CTDP1: variants seen among roughly 807,000 people sequenced by gnomAD.
CTDP1 encodes CTD phosphatase 1, also known as RNA polymerase II subunit A C-terminal domain phosphatase.
CTDP1 carries 47 observed loss-of-function variants against 91.8 expected under a neutral mutation model. The ratio of observed to expected loss-of-function variants is 0.51; its 90% CI spans 0.41 to 0.65. The LOEUF is 0.65. Among genes scored for constraint, CTDP1 ranks in the 30% least tolerant of loss-of-function variants. CTDP1 has a pLI of 0.00. For synonymous variants in CTDP1, 656 were observed against 598.5 expected, an observed-to-expected ratio of 1.10 and a Z score of -1.40; for missense variants, 1,272 against 1,373.7, an observed-to-expected ratio of 0.93 and a Z score of 1.17.
intron 1 of CTDP1, among the ~76,000 whole-genome samples, chr18:79,689,496 A>T (rs2085575777): frequency 8.4e-6 from 1 of 118,994 alleles, no homozygotes; most frequent in Non-Finnish European, 2.2e-5. Flanking sequence ...TGCCGTAAGA[A>T]CAAATAAGGC....
chr18:79,737,330 G>A (rs1006320704), intron 12 of CTDP1, among the ~76,000 whole-genome samples: 5 of 152,180 alleles, frequency 3.3e-5, no homozygotes, highest in East Asian at 1.9e-4. Context: ...AATCTTGTCC[G>A]AGAATCTTAA....
Position 79,754,024 on chromosome 18 carries a change from C to T in CTDP1, c.*234C>T. The T allele has an allele frequency of 1.7e-6, 1 of 601,236 alleles. No individual in the cohort carries two copies. Among genetic ancestry groups the T allele is most frequent in the East Asian group, 3.2e-5 (1 of 31,448 alleles). The allele number at this position is 601,236 out of a possible 1,614,324, so 37.2% of individuals were successfully genotyped here. ...GTGTTAAAGGCCCAGGTGTGCTGTG[C>T]CAAAGAGCTCAGCAGAGGCTCACGT... is the stretch of plus-strand genomic sequence containing the variant. On this transcript the variant is annotated 3_prime_UTR_variant, in exon 13 of 13. Transcript: ENST00000613122.
chr18:79,703,372 A>G (rs2085898389), intron 4 of CTDP1, among the ~76,000 whole-genome samples: 1 of 152,226 alleles, frequency 6.6e-6, no homozygotes, highest in South Asian at 2.1e-4. Context: ...CTGAGAAAAT[A>G]ACAGGATTTA....
At position 79,710,418 on chromosome 18, in the gene CTDP1, C is replaced by G. The variant is rs4799078; in HGVS notation, c.845C>G (p.Ser282Cys). 6.2e-7 allele frequency: 1 copy of G among 1,613,810 alleles called. No homozygotes were observed. Among genetic ancestry groups the G allele is most frequent in the South Asian group, 1.1e-5 (1 of 91,062 alleles). ...LSRDECIDPFSKTGNLRNLFP... is the reference protein window; with the variant it reads ...LSRDECIDPFCKTGNLRNLFP... ...AGGGATGAATGTATTGACCCATTTT[C>G]TAAAACGGGAAACCTTAGGTATGTA... The change falls in exon 6 of 13, where the codon TCT becomes TGT. Residue 282 changes from serine to cysteine, a missense_variant. Physicochemically the swap from Ser to Cys is moderately radical, Grantham distance 112. Around this residue, in one of 3 missense-constraint regions of CTDP1, gnomAD observed 177 missense variants for 283.0 expected, o/e 0.63. Coordinates refer to ENST00000613122, the MANE Select transcript of CTDP1 (RefSeq NM_004715.5).
chr18:79,738,062 T>A (rs969838009), intron 12 of CTDP1, among the ~76,000 whole-genome samples: 1 of 104,240 alleles, frequency 9.6e-6, no homozygotes, highest in Non-Finnish European at 1.8e-5. Context: ...GGGAGTTGCC[T>A]TCCCCACTCT....
At chr18:79,679,390 T>C (rs145072454), upstream of CTDP1, 640 of 455,136 alleles carry the variant, frequency 1.4e-3, 4 homozygotes, top group African/African-American at 0.011. Flanking sequence ...ACGTTGCGAC[T>C]CACAGTGCGC....
intron 11 of CTDP1, chr18:79,735,667 G>C (rs530906171): frequency 6.5e-6 from 1 of 153,498 alleles, no homozygotes; most frequent in Admixed American, 6.4e-5. Flanking sequence ...AGGCACTGAC[G>C]GTACCCACCT....
In CTDP1 at chr18:79,696,039, A is replaced by G; in HGVS notation, c.461A>G (p.His154Arg). 2 of 1,612,460 alleles carry G rather than the reference A, an allele frequency of 1.2e-6. No homozygotes were observed. Among genetic ancestry groups the G allele is most frequent in the Non-Finnish European group, 1.7e-6 (2 of 1,180,012 alleles). Reference protein sequence around the residue: ...PLSTATVSMVHSVPELMVSSE... With the variant: ...PLSTATVSMVRSVPELMVSSE... ...TCCACGGCGACCGTGTCCATGGTGC[A>G]CAGCGTGCCGGAGTTGATGGTGAGC... The change falls in exon 3 of 13, where the codon CAC (histidine) becomes CGC (arginine). Residue 154 changes from histidine (H) to arginine (R), a missense_variant. Physicochemically the swap from His to Arg is conservative, Grantham distance 29. Coordinates refer to ENST00000613122, the MANE Select transcript of CTDP1 (RefSeq NM_004715.5).
intron 1 of CTDP1, among the ~76,000 whole-genome samples, chr18:79,681,864 G>T (rs1016140453): frequency 6.6e-6 from 1 of 152,214 alleles, no homozygotes; most frequent in African/African-American, 2.4e-5. Flanking sequence ...CCTGGAATTT[G>T]AGGTGGCTTC....
chr18:79,736,069 C>A, intron 11 of CTDP1: 1 of 501,234 alleles, frequency 2.0e-6, no homozygotes, highest in South Asian at 2.4e-5. Context: ...TCCAACAGTG[C>A]ACCAGGAATA....
rs1380002507 is a variant in CTDP1, at chr18:79,719,756, C to A, written c.2417+1740C>A. 3.4e-3 allele frequency among the ~76,000 whole-genome samples: 373 copies of A among 110,586 alleles called. No homozygotes were observed. The Middle Eastern group carries it at 0.047, about 14-fold the overall frequency. The allele number at this position is 110,586 out of a possible 152,430, so 72.5% of individuals were successfully genotyped here. A position where few individuals can be genotyped will look rare whatever the true frequency, so the allele number is the denominator to read the frequency against. ...CACCTCCCATCGTGTCCTGGTGATG[C>A]TGTCACCTCCCATCATTAGGAAGGC... is the stretch of plus-strand genomic sequence containing the variant. On this transcript the variant is annotated intron_variant, in intron 10 of 12. Transcript: ENST00000613122.
intron 1 of CTDP1, among the ~76,000 whole-genome samples, chr18:79,684,398 A>G (rs1409777775): frequency 6.6e-6 from 1 of 152,238 alleles, no homozygotes; most frequent in African/African-American, 2.4e-5. Context: ...GAGGCGGAGC[A>G]CTGCGGAGAG....
intron 12 of CTDP1, among the ~76,000 whole-genome samples, chr18:79,739,525 C>T (rs555015448): frequency 6.6e-5 from 10 of 152,252 alleles, no homozygotes; most frequent in East Asian, 1.9e-4. Flanking sequence ...TGAAACCACA[C>T]GAGCATGATT....
In CTDP1 at chr18:79,679,812, C is replaced by T; in HGVS notation, c.-136C>T. The T allele has an allele frequency of 1.2e-6, 1 of 845,502 alleles. No individual in the cohort carries two copies. The highest frequency in any genetic ancestry group is 1.7e-6 in the Non-Finnish European group (1 of 585,292). The allele number at this position is 845,502 out of a possible 1,614,324, so 52.4% of individuals were successfully genotyped here. ...TCACGCGCCCTCCAGGAAGTCGGCGCGGGCTAGGCGACGGGTGGAAGCCGG... is the reference window on the plus strand; with the variant it reads ...TCACGCGCCCTCCAGGAAGTCGGCGTGGGCTAGGCGACGGGTGGAAGCCGG... On this transcript the variant is annotated 5_prime_UTR_variant, in exon 1 of 13. Coordinates refer to ENST00000613122, the MANE Select transcript of CTDP1 (RefSeq NM_004715.5).
chr18:79,679,386 C>A (rs1319199083), upstream of CTDP1: 3 of 454,762 alleles, frequency 6.6e-6, no homozygotes, highest in Non-Finnish European at 1.3e-5. Flanking sequence ...CGCGACGTTG[C>A]GACTCACAGT....
At chr18:79,736,647 G>A in intron 12 of CTDP1, 126 bp downstream of exon 12, 1 of 1,004,838 alleles carries the variant, frequency 1.0e-6, no homozygotes, top group South Asian at 1.7e-5. Flanking sequence ...GACACCAGCA[G>A]CTTCCAAACT....
chr18:79,710,686 A>ATTTTTTTTTTTTTTTTTTTTTT (rs11306504), intron 6 of CTDP1, among the ~76,000 whole-genome samples: 1 of 88,502 alleles, frequency 1.1e-5, no homozygotes, highest in Non-Finnish European at 2.0e-5. Context: ...TCGCCCGGCA[A>ATTTTTTTTTTTTTTTTTTTTTT]TTTTTTTTTT....
Position 79,736,466 on chromosome 18 carries a change from A to G in CTDP1, c.2692A>G (p.Thr898Ala), listed in dbSNP as rs924413714. 6.5e-7 allele frequency: 1 copy of G among 1,548,798 alleles called. No individual in the cohort carries two copies. The highest frequency in any genetic ancestry group is 2.0e-5 in the Admixed American group (1 of 50,998). Reference protein sequence around the residue: ...PRKPGTRRERTLGAPASSERS... With the variant: ...PRKPGTRRERALGAPASSERS... ...GAAGCCAGGGACCCGCAGGGAGCGG[A>G]CGCTCGGGGCACCTGCGTCCAGCGA... The change falls in exon 12 of 13, where the codon ACG becomes GCG. Residue 898 changes from threonine (T) to alanine (A), a missense_variant. Coordinates refer to ENST00000613122, the MANE Select transcript of CTDP1 (RefSeq NM_004715.5).
At chr18:79,724,143 G>A (rs560835830) in intron 10 of CTDP1, among the ~76,000 whole-genome samples, 1 of 152,324 alleles carries the variant, frequency 6.6e-6, no homozygotes, top group South Asian at 2.1e-4. Flanking sequence ...CACTGACGTG[G>A]CCCTGGAAGG....
Sources: gnomAD v4.1 joint callset for allele counts (sites outside exome capture counted in the v4.1 genomes callset) on GRCh38, gnomAD v4.1.1 for gene constraint, gnomAD v4.1.1 regional missense constraint, MANE v1.5 for transcripts, NCBI Gene and HGNC (gene_info 2026-07-23, HGNC 2026-07-21) for gene names.